The following SNX9 variants were observed in gnomAD, a reference collection of about 807,000 sequenced individuals.
SNX9 encodes the protein sorting nexin 9, also known as sorting nexin-9.
SNX9 carries 44 observed loss-of-function variants against 89.4 expected under a neutral mutation model. The ratio of observed to expected loss-of-function variants is 0.49; its 90% CI spans 0.39 to 0.63. The LOEUF (loss-of-function observed/expected upper bound fraction) is 0.63. Ranked by LOEUF, SNX9 falls within the 30% of genes least tolerant of loss-of-function variation. The pLI, the probability that SNX9 is intolerant of heterozygous loss-of-function variation, is 0.00. For missense variants in SNX9, 578 were observed against 736.1 expected, an observed-to-expected ratio of 0.79 and a Z score of 2.49; for synonymous variants, 236 against 247.8, an observed-to-expected ratio of 0.95 and a Z score of 0.45.
chr6:157,906,540 C>G (rs1783220879), intron 7 of SNX9, among the ~76,000 whole-genome samples: 1 of 152,040 alleles, frequency 6.6e-6, no homozygotes, highest in South Asian at 2.1e-4. Context: ...GAACTCAATT[C>G]AAATATTTAT....
intron 2 of SNX9, among the ~76,000 whole-genome samples, chr6:157,868,907 G>A (rs985904207): frequency 1.3e-5 from 2 of 152,136 alleles, no homozygotes; most frequent in Non-Finnish European, 2.9e-5. Flanking sequence ...CTTGGTCCAC[G>A]CCTCCGCCTC....
intron 1 of SNX9, among the ~76,000 whole-genome samples, chr6:157,828,199 G>A (rs969408672): frequency 1.4e-5 from 2 of 137,994 alleles, no homozygotes; most frequent in Admixed American, 6.8e-5. Context: ...TTTTCTATGT[G>A]TCTTAAGTAG....
chr6:157,919,315 T>A (rs566040252), intron 9 of SNX9, among the ~76,000 whole-genome samples: 2 of 152,052 alleles, frequency 1.3e-5, no homozygotes, highest in South Asian at 4.1e-4. Flanking sequence ...TTTGTCTCAC[T>A]CTCTCTTCTT....
Position 157,899,539 on chromosome 6 carries a change from G to A in SNX9, c.473-2359G>A, listed in dbSNP as rs574941324. 2.3e-4 allele frequency among the ~76,000 whole-genome samples: 35 copies of A among 152,080 alleles called. 1 individual carries two copies. Among genetic ancestry groups the A allele is most frequent in the Admixed American group, 9.8e-4 (15 of 15,274 alleles). ...TGTAATCCCAGCAGTTTGGGAGGCC[G>A]AGGCAGGCGGATCACAAGGTCAGGA... On this transcript the variant is annotated intron_variant, in intron 5 of 17. Transcript: ENST00000392185.
At chr6:157,828,929 C>T (rs1781432845) in intron 1 of SNX9, among the ~76,000 whole-genome samples, 1 of 152,080 alleles carries the variant, frequency 6.6e-6, no homozygotes, top group South Asian at 2.1e-4. Flanking sequence ...CTGTCAGCCT[C>T]AAGAAGCTGA....
chr6:157,875,043 C>T lies in SNX9; in HGVS notation c.175-8C>T, dbSNP rs1782489782. ...ATGAAAATAATTGCGGCTCTTTCTC[C>T]TATTCAGATTTTACCCAGTGATGGA... On this transcript the variant is annotated splice_polypyrimidine_tract_variant and splice_region_variant and intron_variant, in intron 3 of 17. Transcript: ENST00000392185. 2 of 1,613,472 alleles carry T rather than the reference C, an allele frequency of 1.2e-6. No individual in the cohort carries two copies. The highest frequency in any genetic ancestry group is 8.5e-7 in the Non-Finnish European group (1 of 1,179,738).
chr6:157,919,927 C>CT (rs1783549861), intron 9 of SNX9, among the ~76,000 whole-genome samples: 1 of 152,126 alleles, frequency 6.6e-6, no homozygotes, highest in Non-Finnish European at 1.5e-5. Context: ...TCTCTGAAGT[C>CT]TGTCTCCCTG....
intron 15 of SNX9, among the ~76,000 whole-genome samples, chr6:157,937,962 A>C (rs1783960162): frequency 6.6e-6 from 1 of 152,246 alleles, no homozygotes; most frequent in African/African-American, 2.4e-5. Flanking sequence ...CTTAATATAA[A>C]ACTCAGAAAA....
At chr6:157,931,637 G>C (rs1463522340) in intron 12 of SNX9, among the ~76,000 whole-genome samples, 1 of 152,198 alleles carries the variant, frequency 6.6e-6, no homozygotes, top group African/African-American at 2.4e-5. Context: ...TGCGAAGTCT[G>C]ACTGTTGTAT....
At chr6:157,889,912 G>T (rs1016434004) in intron 4 of SNX9, among the ~76,000 whole-genome samples, 1 of 152,144 alleles carries the variant, frequency 6.6e-6, no homozygotes, top group African/African-American at 2.4e-5. Flanking sequence ...TAGATGCTTT[G>T]TATGCATTAT....
chr6:157,875,587 T>A (rs1281591730), intron 4 of SNX9, among the ~76,000 whole-genome samples: 1 of 152,146 alleles, frequency 6.6e-6, no homozygotes, highest in Non-Finnish European at 1.5e-5. Context: ...GCTTACACTC[T>A]CAGAGCTAGA....
chr6:157,858,496 A>G (rs1038918349), intron 1 of SNX9, among the ~76,000 whole-genome samples: 5 of 152,122 alleles, frequency 3.3e-5, no homozygotes, highest in African/African-American at 1.2e-4. Flanking sequence ...TGCTGGGATT[A>G]CAAGTGTGAG....
At chr6:157,930,514 T>G (rs1783790144) in intron 12 of SNX9, among the ~76,000 whole-genome samples, 1 of 152,190 alleles carries the variant, frequency 6.6e-6, no homozygotes, top group African/African-American at 2.4e-5. Flanking sequence ...AGGAGGCAAG[T>G]GAAGCTTCAT....
At chr6:157,860,041 G>C (rs950090097) in intron 1 of SNX9, among the ~76,000 whole-genome samples, 1 of 152,156 alleles carries the variant, frequency 6.6e-6, no homozygotes, top group South Asian at 2.1e-4. Context: ...GTCTGTGGTG[G>C]CTTTTGCACT....
chr6:157,862,832 TA>T (rs1782170328), intron 1 of SNX9, among the ~76,000 whole-genome samples: 1 of 152,228 alleles, frequency 6.6e-6, no homozygotes, highest in Non-Finnish European at 1.5e-5. Context: ...AATGTTTCCT[TA>T]ATAAATTCTT....
At chr6:157,891,638 C>T (rs184942376) in intron 4 of SNX9, among the ~76,000 whole-genome samples, 3 of 152,298 alleles carry the variant, frequency 2.0e-5, no homozygotes, top group South Asian at 2.1e-4. Flanking sequence ...AAACATTCTC[C>T]GGGTAAGACA....
intron 4 of SNX9, among the ~76,000 whole-genome samples, chr6:157,877,281 C>CG (rs35949336): frequency 0.17 from 25,036 of 150,020 alleles, 2,212 homozygotes; most frequent in African/African-American, 0.19. Context: ...AAAAAAAAAG[C>CG]GGGGGGGGCA....
At chr6:157,852,738 G>A (rs543578350) in intron 1 of SNX9, among the ~76,000 whole-genome samples, 7 of 152,076 alleles carry the variant, frequency 4.6e-5, no homozygotes, top group Admixed American at 3.9e-4. Context: ...CACCATGCCC[G>A]GCTAATTTTT....
chr6:157,858,830 CAG>C (rs2115127551), intron 1 of SNX9, among the ~76,000 whole-genome samples: 1 of 152,284 alleles, frequency 6.6e-6, no homozygotes, highest in South Asian at 2.1e-4. Flanking sequence ...ATAAAACCAT[CAG>C]ATCTCATGAG....
Sources: gnomAD v4.1 joint callset for allele counts (sites outside exome capture counted in the v4.1 genomes callset) on GRCh38, gnomAD v4.1.1 for gene constraint, MANE v1.5 for transcripts, NCBI Gene and HGNC (gene_info 2026-07-23, HGNC 2026-07-21) for gene names.